INPP5D: variants seen among roughly 807,000 people sequenced by gnomAD.
INPP5D encodes phosphatidylinositol 3,4,5-trisphosphate 5-phosphatase 1.
INPP5D carries 33 observed loss-of-function variants against 122.9 expected under a neutral mutation model. That is an observed-to-expected ratio of 0.27 (90% CI 0.20 to 0.36). The LOEUF is 0.36. INPP5D is among the 10% of genes least tolerant of loss of function. The probability of loss-of-function intolerance (pLI) is 1.00; values close to 1 mark genes in which losing one functional copy is unlikely to be tolerated. For synonymous variants in INPP5D, 584 were observed against 576.2 expected, an observed-to-expected ratio of 1.01 and a Z score of -0.19; for missense variants, 1,053 against 1,412.7, an observed-to-expected ratio of 0.75 and a Z score of 4.08.
At chr2:233,173,877 G>A (rs559486672) in intron 17 of INPP5D, among the ~76,000 whole-genome samples, 24 of 151,888 alleles carry the variant, frequency 1.6e-4, no homozygotes, top group African/African-American at 5.1e-4. Flanking sequence ...AGGTTGCAGC[G>A]AACCGAGATG....
chr2:233,129,915 TGTGA>T (rs751902689), intron 4 of INPP5D, among the ~76,000 whole-genome samples: 2,354 of 135,444 alleles, frequency 0.017, 44 homozygotes, highest in African/African-American at 0.057. Context: ...TGTGTGTGTG[TGTGA>T]GAGACAGTGT....
chr2:233,094,645 C>T (rs1301544452), intron 2 of INPP5D, among the ~76,000 whole-genome samples: 1 of 151,760 alleles, frequency 6.6e-6, no homozygotes, highest in Non-Finnish European at 1.5e-5. Flanking sequence ...AGAGTCTGGT[C>T]CACAGGCCAG....
Position 233,078,926 on chromosome 2 carries a change from C to G in INPP5D, c.135-409C>G, listed in dbSNP as rs1288803923. Among the ~76,000 whole-genome samples the G allele has an allele frequency of 1.3e-5, 2 of 152,072 alleles. No individual in the cohort carries two copies. Among genetic ancestry groups the G allele is most frequent in the African/African-American group, 4.8e-5 (2 of 41,412 alleles). On this transcript the variant is annotated intron_variant, in intron 1 of 26. Coordinates refer to ENST00000445964, the MANE Select transcript of INPP5D (RefSeq NM_001017915.3). This position sits in a 1 kb window ranked among gnomAD's most constrained non-coding sequence, Gnocchi z 4.6. ...TCAATCTCTTGACCTTGTGATCCAC[C>G]CATCTCAGCCTCCCAAAGTGCTGGG... is the stretch of plus-strand genomic sequence containing the variant.
chr2:233,138,587 G>A (rs1421829160), intron 5 of INPP5D, among the ~76,000 whole-genome samples: 2 of 151,990 alleles, frequency 1.3e-5, no homozygotes, highest in Non-Finnish European at 2.9e-5. Flanking sequence ...GGAGCTATTG[G>A]GTAATCAGGT....
At position 233,164,246 on chromosome 2, in the gene INPP5D, A is replaced by G; in HGVS notation, c.1438-61A>G. Reference sequence around the variant, plus strand: ...CTGCGGCTGGGGCTGGGTGTGAATCACTGTGCCCTGGTTCACACCCTACAC... The same window carrying G: ...CTGCGGCTGGGGCTGGGTGTGAATCGCTGTGCCCTGGTTCACACCCTACAC... On this transcript the variant is annotated intron_variant, in intron 12 of 26. Transcript: ENST00000445964. The surrounding 1 kb of genome is among the most constrained non-coding windows in gnomAD (Gnocchi z 4.3). 1 of 1,498,346 alleles carries G rather than the reference A, an allele frequency of 6.7e-7. No individual in the cohort carries two copies. The highest frequency in any genetic ancestry group is 8.9e-7 in the Non-Finnish European group (1 of 1,118,030). The allele number at this position is 1,498,346 out of a possible 1,614,324, so 92.8% of individuals were successfully genotyped here.
At chr2:233,124,112 A>AGTTT (rs1693080474) in intron 3 of INPP5D, among the ~76,000 whole-genome samples, 1 of 150,162 alleles carries the variant, frequency 6.7e-6, no homozygotes, top group South Asian at 2.1e-4. Context: ...TTAAAATACA[A>AGTTT]GTTTTTTTTT....
chr2:233,194,398 G>A (rs753629937), intron 23 of INPP5D, among the ~76,000 whole-genome samples: 15 of 152,026 alleles, frequency 9.9e-5, no homozygotes, highest in Admixed American at 3.3e-4. Context: ...ACGGCCACAT[G>A]GTGCCCACTC....
chr2:233,204,057 A>T (rs1695411531), intron 25 of INPP5D, 69 bp from the exon 26 acceptor site: 1 of 1,440,848 alleles, frequency 6.9e-7, no homozygotes, highest in Non-Finnish European at 9.1e-7. Context: ...ACCCAGAGCC[A>T]TTAAGCAGCC....
chr2:233,122,394 A>T, intron 3 of INPP5D, 137 bp downstream of exon 3: 1 of 901,124 alleles, frequency 1.1e-6, no homozygotes, highest in Non-Finnish European at 1.6e-6. Flanking sequence ...AGTTAGGAAC[A>T]CAGGCTCTCT....
rs750844484 is a variant in INPP5D at position 233,204,626 on chromosome 2, G to T, written c.3476G>T (p.Arg1159Leu). Reference sequence around the variant, plus strand: ...CTGCACCTCCAGCACTCCAAGGGCCGCGACTACCGCGACAACACCGAGCTC... The same window carrying T: ...CTGCACCTCCAGCACTCCAAGGGCCTCGACTACCGCGACAACACCGAGCTC... ...AVLHLQHSKG[R>L]DYRDNTELPH... The change falls in exon 26 of 27, where the codon CGC becomes CTC. Residue 1159 changes from arginine to leucine, a missense_variant. This residue lies in a region of INPP5D where 417 missense variants were observed against 425.8 expected (regional missense o/e 0.98). Transcript: ENST00000445964. 16 of 1,579,756 alleles carry T rather than the reference G, an allele frequency of 1.0e-5. No individual in the cohort carries two copies. The highest frequency in any genetic ancestry group is 1.8e-5 in the Admixed American group (1 of 55,604).
intron 2 of INPP5D, among the ~76,000 whole-genome samples, chr2:233,101,487 T>A (rs1038857684): frequency 6.6e-6 from 1 of 150,710 alleles, no homozygotes; most frequent in African/African-American, 2.4e-5. Flanking sequence ...GCTCTTTTAA[T>A]CCCCAAACTC....
At position 233,189,043 on chromosome 2, in the gene INPP5D, G is replaced by A. The variant is rs1383778735; in HGVS notation, c.2359-807G>A. ...CATCGTGAGAAACAGCCCCACATCTGAAAAAGTCATAACTCGTGGCAGACG... is the reference window on the plus strand; with the variant it reads ...CATCGTGAGAAACAGCCCCACATCTAAAAAAGTCATAACTCGTGGCAGACG... On this transcript the variant is annotated intron_variant, in intron 21 of 26. Transcript: ENST00000445964. This position sits in a 1 kb window ranked among gnomAD's most constrained non-coding sequence, Gnocchi z 5.6. 1.3e-5 allele frequency among the ~76,000 whole-genome samples: 2 copies of A among 152,172 alleles called. No individual in the cohort carries two copies. The highest frequency in any genetic ancestry group is 4.8e-5 in the African/African-American group (2 of 41,442).
At chr2:233,167,720 TG>T (rs1694381399) in intron 13 of INPP5D, among the ~76,000 whole-genome samples, 2 of 151,844 alleles carry the variant, frequency 1.3e-5, no homozygotes, top group Non-Finnish European at 2.9e-5. Context: ...CAAAAGAAAA[TG>T]GGGCCGGGTG....
At chr2:233,106,090 A>G (rs1692461246) in intron 2 of INPP5D, among the ~76,000 whole-genome samples, 1 of 152,214 alleles carries the variant, frequency 6.6e-6, no homozygotes, top group Non-Finnish European at 1.5e-5. Context: ...ATGAAGTTTC[A>G]ATAAGAGGAA....
At position 233,177,897 on chromosome 2, in the gene INPP5D, A is replaced by T. The variant is rs1327001778; in HGVS notation, c.2071+551A>T. Among the ~76,000 whole-genome samples the T allele has an allele frequency of 6.6e-6, 1 of 152,186 alleles. No individual in the cohort carries two copies. Among genetic ancestry groups the T allele is most frequent in the Non-Finnish European group, 1.5e-5 (1 of 68,034 alleles). On this transcript the variant is annotated intron_variant, in intron 18 of 26. Transcript: ENST00000445964. This position sits in a 1 kb window ranked among gnomAD's most constrained non-coding sequence, Gnocchi z 4.2. Reference sequence around the variant, plus strand: ...ACCCGGAGCACTTTTTTAAAAATTCAGTTTTATTTCTTTTGAAAAGAACAT... The same window carrying T: ...ACCCGGAGCACTTTTTTAAAAATTCTGTTTTATTTCTTTTGAAAAGAACAT...
intron 9 of INPP5D, among the ~76,000 whole-genome samples, chr2:233,157,936 G>A (rs1177833309): frequency 6.6e-6 from 1 of 151,326 alleles, no homozygotes; most frequent in Non-Finnish European, 1.5e-5. Flanking sequence ...ATTAAATTTA[G>A]ATATAAATTA....
chr2:233,140,190 AT>A (rs1302615959), intron 6 of INPP5D: 11 of 248,246 alleles, frequency 4.4e-5, no homozygotes, highest in Non-Finnish European at 8.5e-5. Flanking sequence ...TTTGTGCCAA[AT>A]AAGGGGGTAA....
intron 2 of INPP5D, among the ~76,000 whole-genome samples, chr2:233,093,736 T>C (rs146676986): frequency 4.6e-5 from 7 of 151,498 alleles, no homozygotes; most frequent in African/African-American, 1.7e-4. Flanking sequence ...CAATGAGGCA[T>C]TTGTTAGAGA....
chr2:233,135,192 CTT>C (rs56018008), intron 5 of INPP5D, among the ~76,000 whole-genome samples: 128 of 146,902 alleles, frequency 8.7e-4, no homozygotes, highest in East Asian at 7.9e-3. Flanking sequence ...ACTGAAACAT[CTT>C]TTTTTTTTTT....
Sources: gnomAD v4.1 joint callset for allele counts (sites outside exome capture counted in the v4.1 genomes callset) on GRCh38, gnomAD v4.1.1 for gene constraint, gnomAD v4.1.1 regional missense constraint, Gnocchi (gnomAD v3.1) non-coding constraint, MANE v1.5 for transcripts, NCBI Gene and HGNC (gene_info 2026-07-23, HGNC 2026-07-21) for gene names.